The following MCTP2 variants were observed in gnomAD, a reference collection of about 807,000 sequenced individuals.
The protein encoded by MCTP2 is multiple C2 and transmembrane domain-containing protein 2.
In MCTP2, 132 loss-of-function variants were observed where a neutral mutation model predicts 111.6. The observed-to-expected ratio is 1.18, with a 90% confidence interval of 1.03 to 1.37. The LOEUF is 1.37. Ranked by LOEUF, MCTP2 falls within the 40% of genes most tolerant of loss-of-function variation. The pLI is 0.00. For missense variants in MCTP2, 1,183 were observed against 1,067.9 expected (o/e 1.11, Z -1.50); for synonymous variants, 395 against 387.7 (o/e 1.02, Z -0.22).
At chr15:94,357,781 T>G (rs1017704162) in intron 9 of MCTP2, among the ~76,000 whole-genome samples, 3 of 152,218 alleles carry the variant, frequency 2.0e-5, no homozygotes, top group Middle Eastern at 3.2e-3. Context: ...CACTTTGTAT[T>G]CACATATTTA....
chr15:94,365,594 A>G (rs1428671747), intron 10 of MCTP2, among the ~76,000 whole-genome samples: 2 of 152,230 alleles, frequency 1.3e-5, no homozygotes, highest in African/African-American at 4.8e-5. Flanking sequence ...CAATTATGGT[A>G]ATACTGCTCA....
chr15:94,245,392 A>G (rs1354959255), intron 1 of MCTP2, among the ~76,000 whole-genome samples: 1 of 51,102 alleles, frequency 2.0e-5, no homozygotes, highest in African/African-American at 7.2e-5. Context: ...ATGTATTTAT[A>G]TACATGTGTG....
chr15:94,250,138 C>T (rs991968989), intron 1 of MCTP2, among the ~76,000 whole-genome samples: 11 of 151,926 alleles, frequency 7.2e-5, no homozygotes, highest in African/African-American at 2.4e-4. Context: ...TTGTGTTTTT[C>T]ACTTAAAATT....
chr15:94,358,375 G>T, intron 9 of MCTP2, 107 bp from the exon 10 acceptor site: 1 of 1,024,946 alleles, frequency 9.8e-7, no homozygotes, highest in Non-Finnish European at 1.4e-6. Flanking sequence ...AAGGGGTGAG[G>T]TCCATCATCT....
At chr15:94,299,991 G>C (rs1444269774) in intron 2 of MCTP2, among the ~76,000 whole-genome samples, 1 of 152,008 alleles carries the variant, frequency 6.6e-6, no homozygotes, top group Non-Finnish European at 1.5e-5. Context: ...AGTTATTTAT[G>C]AATTTGAAAT....
intron 19 of MCTP2, among the ~76,000 whole-genome samples, chr15:94,449,322 A>G (rs1428606160): frequency 6.6e-6 from 1 of 152,236 alleles, no homozygotes; most frequent in East Asian, 1.9e-4. Flanking sequence ...AAGTTTCATA[A>G]TATGTTCCCT....
chr15:94,262,693 C>G (rs2073259988), intron 1 of MCTP2, among the ~76,000 whole-genome samples: 1 of 151,138 alleles, frequency 6.6e-6, no homozygotes, highest in Non-Finnish European at 1.5e-5. Context: ...GTGGAGGAGA[C>G]AGAGTCTTGC....
At chr15:94,368,566 G>T (rs79656935) in intron 11 of MCTP2, among the ~76,000 whole-genome samples, 2,123 of 152,254 alleles carry the variant, frequency 0.014, 57 homozygotes, top group African/African-American at 0.048. Flanking sequence ...GTGTCTCCAG[G>T]ATCCTTCACT....
rs1280824650 is a variant in MCTP2 at position 94,481,218 on chromosome 15, A to C, written c.*2184A>C. On this transcript the variant is annotated 3_prime_UTR_variant, in exon 23 of 23. Transcript: ENST00000357742. ...TTCCCATTTCTAGCCCTGTCTCTCT[A>C]TCTTACAGGCATCTACACCTCAGCA... 2 of 151,944 alleles carry C rather than the reference A, an allele frequency of 1.3e-5. No homozygotes were observed. Among genetic ancestry groups the C allele is most frequent in the African/African-American group, 4.8e-5 (2 of 41,338 alleles). 9.4% of individuals were successfully genotyped at this position (151,944 alleles called of 1,614,324 possible). A position where few individuals can be genotyped will look rare whatever the true frequency, so the allele number is the denominator to read the frequency against.
intron 2 of MCTP2, among the ~76,000 whole-genome samples, chr15:94,303,085 A>ATATAGTTTATATATATAGTTTATATATG (rs1186714308): frequency 2.2e-4 from 30 of 135,856 alleles, no homozygotes; most frequent in African/African-American, 7.6e-4. Context: ...GTTTATATAT[A>ATATAGTTTATATATATAGTTTATATATG]TATAGTTTAT....
chr15:94,429,065 C>T (rs74029074), intron 17 of MCTP2, among the ~76,000 whole-genome samples: 11 of 152,156 alleles, frequency 7.2e-5, no homozygotes, highest in African/African-American at 1.7e-4. Flanking sequence ...TCCTCACTCT[C>T]GTAGAATGAC....
intron 20 of MCTP2, 73 bp downstream of exon 20, chr15:94,458,319 G>GGT: frequency 1.1e-6 from 1 of 903,550 alleles, no homozygotes; most frequent in African/African-American, 1.6e-5. Context: ...TAATGGCAGT[G>GGT]GTGTGCGACA....
At chr15:94,277,257 A>G (rs2074263175) in intron 1 of MCTP2, among the ~76,000 whole-genome samples, 6 of 152,206 alleles carry the variant, frequency 3.9e-5, no homozygotes. Context: ...ATTTAAAAAT[A>G]TAACTAACTG....
intron 4 of MCTP2, among the ~76,000 whole-genome samples, chr15:94,326,857 C>G (rs1347689645): frequency 1.5e-5 from 2 of 131,656 alleles, no homozygotes; most frequent in Non-Finnish European, 3.1e-5. Context: ...GCTGGGATTA[C>G]AGGCATTAGC....
chr15:94,474,684 C>T (rs2074205188), intron 21 of MCTP2, among the ~76,000 whole-genome samples: 1 of 152,086 alleles, frequency 6.6e-6, no homozygotes, highest in Admixed American at 6.5e-5. Flanking sequence ...CATGGCGAAA[C>T]CCCATCTCTT....
intron 4 of MCTP2, among the ~76,000 whole-genome samples, chr15:94,327,959 T>C (rs11635804): frequency 0.29 from 44,407 of 151,940 alleles, 7,046 homozygotes; most frequent in Middle Eastern, 0.44. Flanking sequence ...TCTCAATTCC[T>C]ATGAAATACC....
intron 11 of MCTP2, 141 bp from the exon 12 acceptor site, chr15:94,369,946 A>T: frequency 4.0e-6 from 2 of 494,580 alleles, no homozygotes; most frequent in Non-Finnish European, 6.9e-6. Context: ...CCTGTTATAT[A>T]ATATATTTTT....
chr15:94,332,994 T>G (rs1274542695), intron 4 of MCTP2, among the ~76,000 whole-genome samples: 7 of 152,200 alleles, frequency 4.6e-5, no homozygotes, highest in South Asian at 4.1e-4. Context: ...CCCAGCACTT[T>G]GGGATGCTGA....
intron 1 of MCTP2, among the ~76,000 whole-genome samples, chr15:94,245,391 TATAC>T: frequency 2.0e-5 from 1 of 50,614 alleles, no homozygotes; most frequent in South Asian, 5.8e-4. Context: ...TATGTATTTA[TATAC>T]ATGTGTGTAT....
Sources: gnomAD v4.1 joint callset for allele counts (sites outside exome capture counted in the v4.1 genomes callset) on GRCh38, gnomAD v4.1.1 for gene constraint, MANE v1.5 for transcripts, NCBI Gene and HGNC (gene_info 2026-07-23, HGNC 2026-07-21) for gene names.